Variants in PODXL observed in about 807,000 individuals in gnomAD.
PODXL encodes podocalyxin.
A neutral mutation model predicts 48.9 loss-of-function variants in PODXL; 20 were observed. The observed-to-expected ratio is 0.41, with a 90% CI of 0.29 to 0.59. PODXL has a LOEUF of 0.59. PODXL is among the 20% of genes least tolerant of loss of function. The pLI, the probability that PODXL is intolerant of heterozygous loss-of-function variation, is 0.31. For missense variants in PODXL, 606 were observed against 675.1 expected (o/e 0.90, Z 1.13); for synonymous variants, 295 against 287.4 (o/e 1.03, Z -0.27).
In PODXL at chr7:131,501,712, T is replaced by G. The variant is rs952858593; in HGVS notation, c.*2599A>C. 1 of 152,144 alleles carries G rather than the reference T, an allele frequency of 6.6e-6. No individual in the cohort carries two copies. The highest frequency in any genetic ancestry group is 1.5e-5 in the Non-Finnish European group (1 of 68,022). 9.4% of individuals were successfully genotyped at this position (152,144 alleles called of 1,614,324 possible). Reference sequence around the variant, plus strand: ...ACAACCTGTTTAAGTCATGCTGAGCTTCTAGTGTTCCTCTTACCTCTTCCC... The same window carrying G: ...ACAACCTGTTTAAGTCATGCTGAGCGTCTAGTGTTCCTCTTACCTCTTCCC... On this transcript the variant is annotated 3_prime_UTR_variant, in exon 9 of 9. Transcript: ENST00000378555.
At chr7:131,517,397 G>A (rs749565935) in intron 1 of PODXL, among the ~76,000 whole-genome samples, 8 of 152,288 alleles carry the variant, frequency 5.3e-5, no homozygotes, top group Middle Eastern at 6.8e-3. Flanking sequence ...TGTAGGGCCC[G>A]CAAACTGGGA....
chr7:131,549,889 G>A (rs774163152), intron 1 of PODXL, among the ~76,000 whole-genome samples: 2 of 152,206 alleles, frequency 1.3e-5, no homozygotes, highest in African/African-American at 2.4e-5. Flanking sequence ...GATATATGTC[G>A]GGGAAGGGGG....
chr7:131,548,835 C>T (rs564261339), intron 1 of PODXL, among the ~76,000 whole-genome samples: 2 of 152,294 alleles, frequency 1.3e-5, no homozygotes, highest in East Asian at 3.9e-4. Flanking sequence ...CCCCCAGGAC[C>T]TAGGCCGGCC....
intron 1 of PODXL, among the ~76,000 whole-genome samples, chr7:131,542,792 T>G (rs1219026315): frequency 1.3e-5 from 2 of 152,298 alleles, no homozygotes; most frequent in East Asian, 3.9e-4. Context: ...CAGCGCCAGT[T>G]AGAGCCTCCC....
At chr7:131,525,133 T>C (rs1273302222) in intron 1 of PODXL, among the ~76,000 whole-genome samples, 1 of 152,132 alleles carries the variant, frequency 6.6e-6, no homozygotes. Context: ...CAGTGAGTGA[T>C]GCACAAGGAT....
In PODXL at chr7:131,556,270, G is replaced by GGGCAAC; in HGVS notation, c.89_90insGTTGCC (p.Pro30_Ser31insLeuPro). 6.8e-7 allele frequency: 1 copy of GGGCAAC among 1,462,602 alleles called. No individual in the cohort carries two copies. Among genetic ancestry groups the GGGCAAC allele is most frequent in the Non-Finnish European group, 9.0e-7 (1 of 1,109,208 alleles). 90.6% of individuals were successfully genotyped at this position (1,462,602 alleles called of 1,614,324 possible). A position where few individuals can be genotyped will look rare whatever the true frequency, so the allele number is the denominator to read the frequency against. ...AGGCCGGCCACTCACCATTCTGGGAGGGCGACGGCGACGGCGACGGCGACG... is the reference window on the plus strand; with the variant it reads ...AGGCCGGCCACTCACCATTCTGGGAGGGCAACGGCGACGGCGACGGCGACGGCGACG... On this transcript the variant is annotated inframe_insertion, in exon 1 of 9. Transcript: ENST00000378555.
At chr7:131,524,402 AGAGAGAAAAC>A (rs1357420908) in intron 1 of PODXL, among the ~76,000 whole-genome samples, 3 of 149,816 alleles carry the variant, frequency 2.0e-5, no homozygotes, top group African/African-American at 7.3e-5. Context: ...AGAGAGAGAG[AGAGAGAAAAC>A]AACAAGGAAA....
At position 131,536,788 on chromosome 7, in the gene PODXL, A is replaced by G. The variant is rs528259959; in HGVS notation, c.100+19472T>C. 8.5e-5 allele frequency among the ~76,000 whole-genome samples: 13 copies of G among 152,194 alleles called. 1 individual carries two copies. The highest frequency in any genetic ancestry group is 2.9e-4 in the African/African-American group (12 of 41,524). On this transcript the variant is annotated intron_variant, in intron 1 of 8. Coordinates refer to ENST00000378555, the MANE Select transcript of PODXL (RefSeq NM_001018111.3). ...GGTTCTCAGAACAGCCCCTTTCCCT[A>G]TCATTTTAAAAAATGTTTCACTAAA...
rs138137657 is a variant in PODXL at position 131,511,393 on chromosome 7, C to T, written c.141G>A (p.Pro47=). Residue 47 remains proline, a synonymous_variant, in exon 2 of 9, where the codon CCG becomes CCA. Transcript: ENST00000378555. ...TGATGGTGACACTGGATGCTGGAGT[C>T]GGTGCTGTTTTGTTAGATGAGTCCG... ...TTTDSSNKTA[P]TPASSVTIMA... The T allele has an allele frequency of 2.2e-5, 36 of 1,603,732 alleles. No individual in the cohort carries two copies. Among genetic ancestry groups the T allele is most frequent in the Middle Eastern group, 1.6e-4 (1 of 6,080 alleles).
At chr7:131,512,568 G>C (rs182584371) in intron 1 of PODXL, among the ~76,000 whole-genome samples, 28 of 152,222 alleles carry the variant, frequency 1.8e-4, no homozygotes, top group Non-Finnish European at 2.9e-4. Context: ...AGACAAGCAG[G>C]AATGGAGTTT....
At chr7:131,507,960 C>T (rs573151417) in intron 5 of PODXL, among the ~76,000 whole-genome samples, 14 of 152,242 alleles carry the variant, frequency 9.2e-5, no homozygotes, top group Non-Finnish European at 2.1e-4. Context: ...CCCAAATTCT[C>T]CATCCTATCT....
intron 1 of PODXL, among the ~76,000 whole-genome samples, chr7:131,548,233 A>G (rs545780091): frequency 6.6e-6 from 1 of 152,352 alleles, no homozygotes; most frequent in Admixed American, 6.5e-5. Flanking sequence ...CAAGGTGAGG[A>G]CAGAGGGCAG....
At chr7:131,521,735 G>A (rs893424116) in intron 1 of PODXL, among the ~76,000 whole-genome samples, 1 of 152,164 alleles carries the variant, frequency 6.6e-6, no homozygotes, top group Non-Finnish European at 1.5e-5. Context: ...CACAACACAG[G>A]GCAGTTTACT....
At chr7:131,548,073 G>C (rs1478447398) in intron 1 of PODXL, among the ~76,000 whole-genome samples, 1 of 152,210 alleles carries the variant, frequency 6.6e-6, no homozygotes, top group Non-Finnish European at 1.5e-5. Flanking sequence ...ACCCAATTAG[G>C]AAGGAGCCAG....
intron 1 of PODXL, among the ~76,000 whole-genome samples, chr7:131,514,773 A>AT (rs976206120): frequency 5.3e-5 from 8 of 150,146 alleles, no homozygotes; most frequent in Non-Finnish European, 8.9e-5. Flanking sequence ...CACCCAGCTA[A>AT]TTTTTTTTTC....
chr7:131,520,906 G>A (rs1298281490), intron 1 of PODXL, among the ~76,000 whole-genome samples: 3 of 152,222 alleles, frequency 2.0e-5, no homozygotes, highest in Non-Finnish European at 2.9e-5. Context: ...GGTGGCTCAC[G>A]CCTTTAATCC....
rs890551784 is a variant in PODXL at position 131,535,407 on chromosome 7, C to T, written c.100+20853G>A. 3.3e-4 allele frequency among the ~76,000 whole-genome samples: 50 copies of T among 152,202 alleles called. 1 individual carries two copies. Among genetic ancestry groups the T allele is most frequent in the Admixed American group, 6.5e-5 (1 of 15,274 alleles). ...AGCGTTCAACACCACAGCAAGTAAA[C>T]AGGTCAGTTTGGGACACCAGTGTGA... On this transcript the variant is annotated intron_variant, in intron 1 of 8. Transcript: ENST00000378555.
chr7:131,521,717 G>A (rs1798094715), intron 1 of PODXL, among the ~76,000 whole-genome samples: 1 of 152,210 alleles, frequency 6.6e-6, no homozygotes, highest in Non-Finnish European at 1.5e-5. Context: ...TGTAGGCATT[G>A]TAAGGTCCAC....
At chr7:131,515,398 G>A (rs1797977619) in intron 1 of PODXL, among the ~76,000 whole-genome samples, 1 of 152,010 alleles carries the variant, frequency 6.6e-6, no homozygotes, top group Non-Finnish European at 1.5e-5. Context: ...GTGAAAATAG[G>A]ACCTAGAGAA....
Sources: gnomAD v4.1 joint callset for allele counts (sites outside exome capture counted in the v4.1 genomes callset) on GRCh38, gnomAD v4.1.1 for gene constraint, MANE v1.5 for transcripts, NCBI Gene and HGNC (gene_info 2026-07-23, HGNC 2026-07-21) for gene names.